The following LDHB variants were observed in gnomAD, a reference collection of about 807,000 sequenced individuals.
The protein encoded by LDHB is lactate dehydrogenase B.
Under a neutral mutation model 33.4 loss-of-function variants are expected in LDHB, and 18 were observed. The ratio of observed to expected loss-of-function variants is 0.54; its 90% CI spans 0.37 to 0.80. The LOEUF (loss-of-function observed/expected upper bound fraction) is 0.80, where lower values mean the gene tolerates loss of function less well. LDHB is among the 30% of genes least tolerant of loss of function. The probability of loss-of-function intolerance (pLI) is 0.00; values close to 1 mark genes in which losing one functional copy is unlikely to be tolerated. For synonymous variants in LDHB, 121 were observed against 140.6 expected (o/e 0.86, Z 0.98); for missense variants, 345 against 407.9 (o/e 0.85, Z 1.33).
At chr12:21,650,447 G>A (rs1938656117) in intron 2 of LDHB, among the ~76,000 whole-genome samples, 1 of 152,144 alleles carries the variant, frequency 6.6e-6, no homozygotes, top group Admixed American at 6.5e-5. Flanking sequence ...CTCCTCCTAA[G>A]AGCTTTGTTA....
intron 6 of LDHB, 64 bp downstream of exon 6, chr12:21,638,289 G>T: frequency 1.1e-6 from 1 of 902,750 alleles, no homozygotes; most frequent in Non-Finnish European, 1.9e-6. Flanking sequence ...CATGGAAAAT[G>T]TTTATAATTT....
At chr12:21,656,750 G>C (rs1440969905) in intron 1 of LDHB, among the ~76,000 whole-genome samples, 1 of 152,116 alleles carries the variant, frequency 6.6e-6, no homozygotes, top group East Asian at 1.9e-4. Context: ...ATGATATACA[G>C]GCCTGTGCCA....
At chr12:21,655,327 T>A (rs1938809499) in intron 1 of LDHB, among the ~76,000 whole-genome samples, 1 of 152,246 alleles carries the variant, frequency 6.6e-6, no homozygotes, top group Admixed American at 6.5e-5. Context: ...CTATTAAGAA[T>A]GTATATGTAA....
chr12:21,651,718 T>G (rs577527299), intron 2 of LDHB, among the ~76,000 whole-genome samples: 2 of 152,248 alleles, frequency 1.3e-5, no homozygotes, highest in Non-Finnish European at 2.9e-5. Context: ...CCTTTCTCTA[T>G]TAAGCTAGTG....
rs538073053 is a variant in LDHB at position 21,647,135 on chromosome 12, A to G, written c.130-119T>C. The stretch of plus-strand genomic sequence containing the variant: ...GCACCAAAGATCTAAACATCTTGAG[A>G]ATTTTACCATGGAGTTAGATACTCA... On this transcript the variant is annotated intron_variant, in intron 2 of 7. Coordinates refer to ENST00000350669, the MANE Select transcript of LDHB (RefSeq NM_002300.8). 2.4e-4 allele frequency: 165 copies of G among 679,910 alleles called. 2 individuals carry two copies. In the African/African-American group the frequency reaches 2.7e-3, roughly 11 times the overall value. 42.1% of individuals were successfully genotyped at this position (679,910 alleles called of 1,614,324 possible). A position where few individuals can be genotyped will look rare whatever the true frequency, so the allele number is the denominator to read the frequency against.
intron 7 of LDHB, among the ~76,000 whole-genome samples, 165 bp downstream of exon 7, chr12:21,636,906 G>T (rs1008630019): frequency 2.6e-5 from 4 of 152,092 alleles, no homozygotes; most frequent in African/African-American, 9.6e-5. Flanking sequence ...TTCTGCCCTT[G>T]CTGTCCAAGA....
intron 2 of LDHB, among the ~76,000 whole-genome samples, chr12:21,653,239 A>G (rs1007788743): frequency 5.3e-5 from 8 of 152,218 alleles, no homozygotes; most frequent in Admixed American, 2.0e-4. Flanking sequence ...ATAGAATGGT[A>G]TTAGTGTTAA....
intron 3 of LDHB, among the ~76,000 whole-genome samples, chr12:21,644,531 T>A (rs1163577592): frequency 1.3e-5 from 2 of 152,154 alleles, no homozygotes; most frequent in Non-Finnish European, 2.9e-5. Context: ...TGTTTGGTTT[T>A]GTCTGGAAAC....
At position 21,638,350 on chromosome 12, in the gene LDHB, T is replaced by C. The variant is rs1196376976; in HGVS notation, c.713+3A>G. The C allele has an allele frequency of 1.3e-6, 2 of 1,496,570 alleles. No individual in the cohort carries two copies. Among genetic ancestry groups the C allele is most frequent in the African/African-American group, 1.4e-5 (1 of 72,372 alleles). 92.7% of individuals were successfully genotyped at this position (1,496,570 alleles called of 1,614,324 possible). On this transcript the variant is annotated splice_donor_region_variant and intron_variant, in intron 6 of 7. Coordinates refer to ENST00000350669, the MANE Select transcript of LDHB (RefSeq NM_002300.8). ...ATCTAAAATCAAGTTCCCTTTCACT[T>C]ACCTTTCAACCACCATCTTATGCAC...
At chr12:21,650,644 A>C (rs1938662980) in intron 2 of LDHB, among the ~76,000 whole-genome samples, 2 of 152,230 alleles carry the variant, frequency 1.3e-5, no homozygotes, top group Admixed American at 1.3e-4. Context: ...AGAGTCTGAG[A>C]TGGATAATGG....
intron 4 of LDHB, among the ~76,000 whole-genome samples, chr12:21,642,975 C>T (rs1372540428): frequency 6.6e-6 from 1 of 152,226 alleles, no homozygotes; most frequent in Non-Finnish European, 1.5e-5. Context: ...CTGCCTGAGG[C>T]ACAGGATGCA....
At chr12:21,639,582 A>T (rs540167160) in intron 5 of LDHB, among the ~76,000 whole-genome samples, 30 of 152,102 alleles carry the variant, frequency 2.0e-4, no homozygotes, top group African/African-American at 7.2e-4. Flanking sequence ...CATTTACTGA[A>T]CTTTTACTGT....
Position 21,642,048 on chromosome 12 carries a change from C to T in LDHB, c.499G>A (p.Asp167Asn), listed in dbSNP as rs775147149. ...ATAAGGTAGCGAAATCTAGCAGAAT[C>T]CAGATTACATCCACTTCCAATCACG... ...HRVIGSGCNL[D>N]SARFRYLMAE... The change falls in exon 5 of 8, where the codon GAT (aspartate) becomes AAT (asparagine). Residue 167 changes from aspartate (D) to asparagine (N), a missense_variant. Physicochemically the swap from Asp to Asn is conservative, Grantham distance 23 (BLOSUM62 1). Coordinates refer to ENST00000350669, the MANE Select transcript of LDHB (RefSeq NM_002300.8). 1.2e-6 allele frequency: 2 copies of T among 1,613,514 alleles called. No individual in the cohort carries two copies. Among genetic ancestry groups the T allele is most frequent in the Admixed American group, 3.3e-5 (2 of 59,966 alleles).
chr12:21,644,776 CA>C (rs1938476114), intron 3 of LDHB, among the ~76,000 whole-genome samples: 1 of 152,284 alleles, frequency 6.6e-6, no homozygotes, highest in African/African-American at 2.4e-5. Context: ...GTTCCTCTCC[CA>C]TAAAATGGCA....
At chr12:21,643,182 C>T (rs1223488489) in intron 4 of LDHB, among the ~76,000 whole-genome samples, 4 of 152,208 alleles carry the variant, frequency 2.6e-5, no homozygotes, top group African/African-American at 9.6e-5. Context: ...TGGGGATTCC[C>T]CTAGCTCTTA....
chr12:21,646,374 T>C lies in LDHB; in HGVS notation c.247+525A>G, dbSNP rs573006783. ...TAGTGTGGCAGTGTGGAGTGTGGAA[T>C]ACATAACCATTTTCTACATACACTT... On this transcript the variant is annotated intron_variant, in intron 3 of 7. Transcript: ENST00000350669. 5.3e-5 allele frequency among the ~76,000 whole-genome samples: 8 copies of C among 152,362 alleles called. No individual in the cohort carries two copies. The South Asian group carries it at 1.7e-3, about 32-fold the overall frequency.
Position 21,643,983 on chromosome 12 carries a change from T to C in LDHB, c.373A>G (p.Ile125Val). The C allele has an allele frequency of 6.2e-7, 1 of 1,613,222 alleles. No homozygotes were observed. The highest frequency in any genetic ancestry group is 2.2e-5 in the East Asian group (1 of 44,866). Residue 125 changes from isoleucine to valine, a missense_variant, in exon 4 of 8, where the codon ATC becomes GTC. Transcript: ENST00000350669. The stretch of plus-strand genomic sequence containing the variant: ...ATGCAATCAGGACTGTACTTGACGA[T>C]CTGAGGAATAATGAATTTGAAGACA... ...VNVFKFIIPQ[I>V]VKYSPDCIII... is the part of the protein sequence containing the mutation.
At chr12:21,647,075 A>C in intron 2 of LDHB, 59 bp from the exon 3 acceptor site, 1 of 915,956 alleles carries the variant, frequency 1.1e-6, no homozygotes, top group Non-Finnish European at 1.8e-6. Context: ...GTCAGCTCAC[A>C]ATCTAACCCA....
At chr12:21,643,189 C>T (rs1249970610) in intron 4 of LDHB, among the ~76,000 whole-genome samples, 2 of 152,206 alleles carry the variant, frequency 1.3e-5, no homozygotes. Flanking sequence ...TCCCCTAGCT[C>T]TTATTCACAG....
Sources: allele counts gnomAD v4.1 joint callset (sites outside exome capture counted in the v4.1 genomes callset), GRCh38; gene constraint gnomAD v4.1.1; transcripts MANE v1.5; gene names NCBI Gene and HGNC (gene_info 2026-07-23, HGNC 2026-07-21).